The following DGKA variants were observed in gnomAD, a reference collection of about 807,000 sequenced individuals.
DGKA encodes the protein 80 kDa diacylglycerol kinase.
In DGKA, 35 loss-of-function variants were observed where a neutral mutation model predicts 105.0. The observed-to-expected ratio is 0.33, with a 90% CI of 0.25 to 0.44. The LOEUF (loss-of-function observed/expected upper bound fraction) is 0.44, where lower values mean the gene tolerates loss of function less well. Among genes scored for constraint, DGKA ranks in the 20% least tolerant of loss-of-function variants. DGKA has a pLI of 1.00. For missense variants in DGKA, 665 were observed against 915.0 expected (o/e 0.73, Z 3.53); for synonymous variants, 296 against 332.0 (o/e 0.89, Z 1.18).
At chr12:55,935,897 C>G in intron 1 of DGKA, 1 of 986,424 alleles carries the variant, frequency 1.0e-6, no homozygotes, top group Non-Finnish European at 1.2e-6. Context: ...CTGAGCGGAG[C>G]TGGGGTCCCT....
chr12:55,939,960 A>G (rs573094240), intron 9 of DGKA, 122 bp from the exon 10 acceptor site: 6 of 891,226 alleles, frequency 6.7e-6, no homozygotes, highest in Admixed American at 3.9e-5. Context: ...TTCACCCCGA[A>G]CTTTTATTCT....
chr12:55,939,083 C>A, intron 7 of DGKA, 94 bp downstream of exon 7: 1 of 1,606,518 alleles, frequency 6.2e-7, no homozygotes, highest in South Asian at 1.1e-5. Context: ...CAACCTGGTT[C>A]CCTTGGCTAG....
Position 55,940,980 on chromosome 12 carries a change from G to A in DGKA, c.1101G>A (p.Arg367=). 1 of 1,613,716 alleles carries A rather than the reference G, an allele frequency of 6.2e-7. No individual in the cohort carries two copies. Among genetic ancestry groups the A allele is most frequent in the Non-Finnish European group, 8.5e-7 (1 of 1,179,812 alleles). The change falls in exon 13 of 24, where the codon CGG becomes CGA. Residue 367 remains arginine, a splice_region_variant and synonymous_variant. Transcript: ENST00000331886. The surrounding 1 kb of genome is among the most constrained non-coding windows in gnomAD (Gnocchi z 4.3). ...ATTTGAGCACCTCTGAGGCTCTGCG[G>A]GTACAGGGCTGAGAGTCTTGGGCTT... ...DLNLSTSEAL[R]IDPVPNTHPL... is the part of the protein sequence containing the mutation.
Position 55,952,202 on chromosome 12 carries a change from G to A in DGKA, c.1652+103G>A. 6.5e-7 allele frequency: 1 copy of A among 1,546,680 alleles called. No homozygotes were observed. Among genetic ancestry groups the A allele is most frequent in the Non-Finnish European group, 8.9e-7 (1 of 1,120,324 alleles). ...CAGAAGAACAGTGGCACCTCTAGGA[G>A]GTCCCCCCAACCAAAGCCACCCTTG... On this transcript the variant is annotated intron_variant, in intron 19 of 23. Transcript: ENST00000331886. This position sits in a 1 kb window ranked among gnomAD's most constrained non-coding sequence, Gnocchi z 5.1.
In DGKA at chr12:55,940,270, C is replaced by A; in HGVS notation, c.799-44C>A. On this transcript the variant is annotated intron_variant, in intron 10 of 23. Transcript: ENST00000331886. This position sits in a 1 kb window ranked among gnomAD's most constrained non-coding sequence, Gnocchi z 4.3. ...CCCTCAGCCCCTCCCTCCCCTAGGT[C>A]CTGCTCAGACCCTGCCAGACAAGGA... The A allele has an allele frequency of 6.2e-7, 1 of 1,614,250 alleles. No individual in the cohort carries two copies. Among genetic ancestry groups the A allele is most frequent in the Non-Finnish European group, 8.5e-7 (1 of 1,180,042 alleles).
chr12:55,939,654 A>T (rs1208581823), intron 9 of DGKA, 125 bp downstream of exon 9: 1 of 848,308 alleles, frequency 1.2e-6, no homozygotes, highest in African/African-American at 1.7e-5. Context: ...TAGTTATGTG[A>T]CCTTGGGAAA....
chr12:55,927,983 G>C, upstream of DGKA: 1 of 563,094 alleles, frequency 1.8e-6, no homozygotes, highest in Non-Finnish European at 3.1e-6. Flanking sequence ...TCGTCCAACC[G>C]CTGAGGATCT....
chr12:55,941,086 C>A, intron 13 of DGKA, 106 bp downstream of exon 13: 1 of 1,375,028 alleles, frequency 7.3e-7, no homozygotes. Flanking sequence ...GGTTGATGCT[C>A]ACTCTCCAGA....
rs1276156535 is a variant in DGKA, at chr12:55,942,225, C to T, written c.1388C>T (p.Thr463Ile). The T allele has an allele frequency of 6.2e-7, 1 of 1,614,030 alleles. No homozygotes were observed. Among genetic ancestry groups the T allele is most frequent in the African/African-American group, 1.3e-5 (1 of 74,892 alleles). The stretch of plus-strand genomic sequence containing the variant: ...CCTGTTGCTGTGTTGCCCCTGGGTA[C>T]TGGAAATGATCTGGCTCGATGCCTA... ...LPPVAVLPLG[T>I]GNDLARCLRW... Residue 463 changes from threonine (T) to isoleucine (I), a missense_variant, in exon 17 of 24, where the codon ACT becomes ATT. By Grantham distance (89) the Thr-to-Ile change is moderately conservative (BLOSUM62 -1). Around this residue, in one of 3 missense-constraint regions of DGKA, gnomAD observed 504 missense variants for 681.2 expected, o/e 0.74. Coordinates refer to ENST00000331886, the MANE Select transcript of DGKA (RefSeq NM_001345.5).
intron 17 of DGKA, among the ~76,000 whole-genome samples, chr12:55,949,736 T>C (rs1887760756): frequency 6.6e-6 from 1 of 152,344 alleles, no homozygotes; most frequent in East Asian, 1.9e-4. Flanking sequence ...CTGAGCACCT[T>C]TCCTATGCAT....
chr12:55,948,984 T>C (rs1307673302), intron 17 of DGKA, among the ~76,000 whole-genome samples: 2 of 151,304 alleles, frequency 1.3e-5, no homozygotes, highest in Non-Finnish European at 2.9e-5. Context: ...ATCATGCCAC[T>C]GCACTCTAGT....
chr12:55,927,969 A>C (rs953921618), upstream of DGKA: 21 of 589,966 alleles, frequency 3.6e-5, no homozygotes, highest in Non-Finnish European at 5.5e-5. Context: ...TATTCTAATT[A>C]AACTCGTCCA....
upstream of DGKA, chr12:55,927,687 A>T (rs1449090598): frequency 2.0e-6 from 3 of 1,537,812 alleles, no homozygotes. Flanking sequence ...GACCCGCGGG[A>T]GGGGCGTGCA....
At chr12:55,936,322 C>T in intron 1 of DGKA, 101 bp from the exon 2 acceptor site, 2 of 1,337,482 alleles carry the variant, frequency 1.5e-6, no homozygotes, top group Non-Finnish European at 2.0e-6. Context: ...AAGGAAAGAA[C>T]AAAAAATAAT....
At chr12:55,935,901 G>C (rs189358717) in intron 1 of DGKA, 1 of 986,534 alleles carries the variant, frequency 1.0e-6, no homozygotes, top group African/African-American at 1.7e-5. Context: ...GCGGAGCTGG[G>C]GTCCCTGGCC....
Position 55,940,134 on chromosome 12 carries a change from A to T in DGKA, c.762A>T (p.Glu254Asp). ...GTGCCATGAAAGCCCTGCCTTGTGA[A>T]GTCAGCACCTATGCCAAGTCTCGGA... The part of the protein sequence containing the change: ...DQCAMKALPC[E>D]VSTYAKSRKD... Residue 254 changes from glutamate (E) to aspartate (D), a missense_variant, in exon 10 of 24, where the codon GAA (glutamate) becomes GAT (aspartate). Around this residue, in one of 3 missense-constraint regions of DGKA, gnomAD observed 504 missense variants for 681.2 expected, o/e 0.74. Transcript: ENST00000331886. The surrounding 1 kb of genome is among the most constrained non-coding windows in gnomAD (Gnocchi z 4.3). The T allele has an allele frequency of 6.2e-7, 1 of 1,614,218 alleles. No homozygotes were observed. The highest frequency in any genetic ancestry group is 8.5e-7 in the Non-Finnish European group (1 of 1,180,048).
rs1032134441 is a variant in DGKA, at chr12:55,938,064, T to G, written c.349+12T>G. 6.2e-7 allele frequency: 1 copy of G among 1,612,534 alleles called. No homozygotes were observed. On this transcript the variant is annotated intron_variant, in intron 5 of 23. Transcript: ENST00000331886. The stretch of plus-strand genomic sequence containing the variant: ...AGACAAGTTAGAATGTGAGTTGCCC[T>G]TCTGAAGTGAGGTGGCAGGGCAGTG...
intron 17 of DGKA, 63 bp from the exon 18 acceptor site, chr12:55,951,560 G>T: frequency 1.3e-6 from 2 of 1,542,088 alleles, no homozygotes; most frequent in Middle Eastern, 1.8e-4. Flanking sequence ...GTGGAGCTGG[G>T]AGCTGAGAAG....
intron 23 of DGKA, 25 bp from the exon 24 acceptor site, chr12:55,953,660 C>T (rs776470446): frequency 1.2e-6 from 2 of 1,610,122 alleles, no homozygotes; most frequent in Non-Finnish European, 1.7e-6. Flanking sequence ...GGTCCTGCCT[C>T]TGAATGTGCT....
Sources: gnomAD v4.1 joint callset for allele counts (sites outside exome capture counted in the v4.1 genomes callset) on GRCh38, gnomAD v4.1.1 for gene constraint, gnomAD v4.1.1 regional missense constraint, Gnocchi (gnomAD v3.1) non-coding constraint, MANE v1.5 for transcripts, NCBI Gene and HGNC (gene_info 2026-07-23, HGNC 2026-07-21) for gene names.